Variants in NBAS observed in about 807,000 individuals in gnomAD.
NBAS encodes the protein NBAS subunit of NRZ tethering complex, also known as NAG/BC035112 fusion.
Under a neutral mutation model 302.5 loss-of-function variants are expected in NBAS, and 219 were observed. The ratio of observed to expected loss-of-function variants is 0.72; its 90% confidence interval spans 0.65 to 0.81. The LOEUF is 0.81. NBAS is among the 30% of genes least tolerant of loss of function. The probability of loss-of-function intolerance (pLI) is 0.00; values close to 1 mark genes in which losing one functional copy is unlikely to be tolerated. For missense variants in NBAS, 2,932 were observed against 2,841.6 expected (o/e 1.03, Z -0.72); for synonymous variants, 1,118 against 1,021.6 (o/e 1.09, Z -1.80).
the NBAS span, among the ~76,000 whole-genome samples, chr2:15,019,283 G>C: frequency 2.0e-5 from 3 of 152,144 alleles, no homozygotes; most frequent in Non-Finnish European, 4.4e-5. Context: ...TGAAATTGTA[G>C]AAATTTATTC....
chr2:15,516,520 C>T (rs1441954388), intron 9 of NBAS, among the ~76,000 whole-genome samples: 1 of 152,054 alleles, frequency 6.6e-6, no homozygotes, highest in East Asian at 1.9e-4. Flanking sequence ...CTCAAGAGTT[C>T]AAGACCACCC....
chr2:15,224,424 T>C (rs1667074910), intron 47 of NBAS, among the ~76,000 whole-genome samples: 1 of 152,196 alleles, frequency 6.6e-6, no homozygotes, highest in Non-Finnish European at 1.5e-5. Context: ...ACACACACAT[T>C]TGAGATTTCT....
chr2:15,467,489 C>T (rs200172738), intron 18 of NBAS, 82 bp from the exon 19 acceptor site: 1 of 1,363,418 alleles, frequency 7.3e-7, no homozygotes, highest in African/African-American at 1.4e-5. Flanking sequence ...GATTAATATT[C>T]CGTTGAGCCC....
chr2:15,032,905 G>A, the NBAS span, among the ~76,000 whole-genome samples: 1 of 152,224 alleles, frequency 6.6e-6, no homozygotes, highest in Non-Finnish European at 1.5e-5. Flanking sequence ...CCTAAAGGCA[G>A]TTCAGAGATC....
chr2:15,316,238 T>C (rs1023374687), intron 38 of NBAS, among the ~76,000 whole-genome samples: 4 of 152,218 alleles, frequency 2.6e-5, no homozygotes, highest in Non-Finnish European at 5.9e-5. Context: ...AAATCTATGC[T>C]TAACTCTCCC....
downstream of NBAS, among the ~76,000 whole-genome samples, chr2:15,162,884 C>T (rs1209540185): frequency 2.6e-5 from 4 of 152,222 alleles, no homozygotes; most frequent in Non-Finnish European, 5.9e-5. Context: ...GCTGCATTTG[C>T]AGCTAACTGG....
At chr2:15,499,950 A>T (rs939771301) in intron 11 of NBAS, among the ~76,000 whole-genome samples, 6 of 152,084 alleles carry the variant, frequency 3.9e-5, no homozygotes, top group African/African-American at 1.4e-4. Flanking sequence ...GCTGCAATCC[A>T]CTCTATTCCA....
chr2:15,358,908 G>A (rs1047874327), intron 32 of NBAS, among the ~76,000 whole-genome samples: 1 of 152,158 alleles, frequency 6.6e-6, no homozygotes, highest in Non-Finnish European at 1.5e-5. Flanking sequence ...TCACAGTTCT[G>A]GCATGCGGGT....
the NBAS span, among the ~76,000 whole-genome samples, chr2:14,814,771 T>C: frequency 1.3e-4 from 20 of 152,278 alleles, no homozygotes; most frequent in Middle Eastern, 3.4e-3. Context: ...GAGCAGTACA[T>C]GAAATTTCAG....
chr2:15,265,595 C>T (rs958669192), intron 44 of NBAS, among the ~76,000 whole-genome samples: 2 of 151,968 alleles, frequency 1.3e-5, no homozygotes, highest in African/African-American at 2.4e-5. Flanking sequence ...GCATAGGGTT[C>T]GGTAACAACA....
At position 15,309,199 on chromosome 2, in the gene NBAS, G is replaced by A. The variant is rs754248467; in HGVS notation, c.4631C>T (p.Ala1544Val). ...TGGTAAGGCAAGAAGGTAAGCAAGA[G>A]CCAAGGTCATGTCATTTGGCAAGGC... ...SEALPNDMTL[A>V]LAYLLALPQV... The change falls in exon 39 of 52, where the codon GCT becomes GTT. Residue 1544 changes from alanine (A) to valine (V), a missense_variant. Physicochemically the swap from Ala to Val is moderately conservative, Grantham distance 64. Coordinates refer to ENST00000281513, the MANE Select transcript of NBAS (RefSeq NM_015909.4). 1.9e-6 allele frequency: 3 copies of A among 1,612,872 alleles called. No homozygotes were observed. The highest frequency in any genetic ancestry group is 2.5e-6 in the Non-Finnish European group (3 of 1,179,306).
intron 40 of NBAS, 129 bp from the exon 41 acceptor site, chr2:15,292,895 G>A (rs1670375666): frequency 1.1e-6 from 1 of 901,930 alleles, no homozygotes; most frequent in Admixed American, 2.1e-5. Flanking sequence ...ATTTCATAAG[G>A]CTCACAACGG....
At chr2:15,166,615 C>T (rs1021022228), downstream of NBAS, among the ~76,000 whole-genome samples, 13 of 152,162 alleles carry the variant, frequency 8.5e-5, no homozygotes, top group Admixed American at 5.2e-4. Flanking sequence ...AGAATTTGCC[C>T]GAGGTCATTT....
chr2:15,116,297 A>G, the NBAS span, among the ~76,000 whole-genome samples: 1 of 152,224 alleles, frequency 6.6e-6, no homozygotes, highest in Non-Finnish European at 1.5e-5. Flanking sequence ...TTTAAAAACC[A>G]TAAAAATTTA....
chr2:15,163,380 A>G (rs60558991), downstream of NBAS, among the ~76,000 whole-genome samples: 24,803 of 152,178 alleles, frequency 0.16, 2,067 homozygotes, highest in South Asian at 0.24. Context: ...GACATGGCCA[A>G]CAAGAGATAA....
chr2:15,082,991 C>G, the NBAS span, among the ~76,000 whole-genome samples: 1 of 152,184 alleles, frequency 6.6e-6, no homozygotes, highest in Non-Finnish European at 1.5e-5. Context: ...CAATTCCCCC[C>G]CACCATGTTT....
At chr2:15,472,284 C>A (rs1018390263) in intron 16 of NBAS, among the ~76,000 whole-genome samples, 13 of 152,114 alleles carry the variant, frequency 8.5e-5, no homozygotes, top group Admixed American at 4.6e-4. Flanking sequence ...GGCACGTGGG[C>A]AACATCAAGT....
intron 38 of NBAS, among the ~76,000 whole-genome samples, chr2:15,317,929 C>T (rs750211649): frequency 4.6e-5 from 7 of 151,960 alleles, no homozygotes; most frequent in Non-Finnish European, 1.0e-4. Context: ...GAAGAGCAAC[C>T]CCAAGACACA....
chr2:15,190,437 C>T (rs1665297243), intron 48 of NBAS, 34 bp from the exon 49 acceptor site: 1 of 1,612,610 alleles, frequency 6.2e-7, no homozygotes, highest in African/African-American at 1.3e-5. Context: ...AAGCTGGTGG[C>T]AAAGGCTACT....
Sources: gnomAD v4.1 joint callset for allele counts (sites outside exome capture counted in the v4.1 genomes callset) on GRCh38, gnomAD v4.1.1 for gene constraint, MANE v1.5 for transcripts, NCBI Gene and HGNC (gene_info 2026-07-23, HGNC 2026-07-21) for gene names.